TDRD3: variants seen among roughly 807,000 people sequenced by gnomAD.
The protein encoded by TDRD3 is tudor domain-containing protein 3.
Under a neutral mutation model 86.7 loss-of-function variants are expected in TDRD3, and 45 were observed. The observed-to-expected ratio is 0.52, with a 90% CI of 0.41 to 0.67. The LOEUF (loss-of-function observed/expected upper bound fraction) is 0.67. Among genes scored for constraint, TDRD3 ranks in the 30% least tolerant of loss-of-function variants. The pLI, the probability that TDRD3 is intolerant of heterozygous loss-of-function variation, is 0.00. For missense variants in TDRD3, 814 were observed against 889.0 expected (o/e 0.92, Z 1.07); for synonymous variants, 298 against 301.7 (o/e 0.99, Z 0.13).
intron 3 of TDRD3, among the ~76,000 whole-genome samples, chr13:60,446,754 T>TTTTGATG (rs1197744743): frequency 6.6e-6 from 1 of 152,130 alleles, no homozygotes; most frequent in African/African-American, 2.4e-5. Context: ...AGGAATATAT[T>TTTTGATG]TTTGATGTGA....
rs1956076048 is a variant in TDRD3 at position 60,471,526 on chromosome 13, A to G, written c.495+4147A>G. Among the ~76,000 whole-genome samples, 4 of 146,850 alleles carry G rather than the reference A, an allele frequency of 2.7e-5. No individual in the cohort carries two copies. The South Asian group carries it at 6.8e-4, about 25-fold the overall frequency. ...AGATTCCTTATGAATTATAGGATAG[A>G]TTTTTCTATTTCTGCAAAAAAAAAA... On this transcript the variant is annotated intron_variant, in intron 5 of 13. Transcript: ENST00000377881.
intron 8 of TDRD3, among the ~76,000 whole-genome samples, chr13:60,503,433 G>A (rs902986316): frequency 5.9e-5 from 9 of 152,160 alleles, no homozygotes; most frequent in Non-Finnish European, 1.3e-4. Context: ...CCTTAATTAT[G>A]ATTAATAGGA....
chr13:60,539,859 T>A (rs1957772831), intron 12 of TDRD3, among the ~76,000 whole-genome samples: 1 of 152,018 alleles, frequency 6.6e-6, no homozygotes, highest in African/African-American at 2.4e-5. Flanking sequence ...GAGTCCTAGA[T>A]AAAGGTCGTG....
intron 1 of TDRD3, among the ~76,000 whole-genome samples, chr13:60,430,249 A>T (rs1266174372): frequency 2.0e-5 from 3 of 152,180 alleles, no homozygotes; most frequent in Non-Finnish European, 4.4e-5. Context: ...TGGAAACTTA[A>T]CCAAGTATGT....
chr13:60,421,609 C>T (rs973363817), intron 1 of TDRD3, among the ~76,000 whole-genome samples: 1 of 152,136 alleles, frequency 6.6e-6, no homozygotes, highest in Non-Finnish European at 1.5e-5. Context: ...CAAAATCTTT[C>T]CCCCAAACTA....
chr13:60,554,886 G>A (rs183126098), intron 12 of TDRD3, among the ~76,000 whole-genome samples: 251 of 152,130 alleles, frequency 1.6e-3, no homozygotes, highest in Non-Finnish European at 2.3e-3. Context: ...TTCAGATGTG[G>A]AATTACAGGT....
At chr13:60,569,720 A>T (rs758777246) in intron 13 of TDRD3, among the ~76,000 whole-genome samples, 1 of 152,130 alleles carries the variant, frequency 6.6e-6, no homozygotes, top group African/African-American at 2.4e-5. Flanking sequence ...CTGACATAAA[A>T]ACAAACAGAC....
rs57374848 is a variant in TDRD3, at chr13:60,454,794, C to CT, written c.193-5574dup. On this transcript the variant is annotated intron_variant, in intron 3 of 13. Coordinates refer to ENST00000377881, the MANE Select transcript of TDRD3 (RefSeq NM_001146070.2). Reference sequence around the variant, plus strand: ...CTGAAATTTCTAACAATGTATATTTCTTTTTTTTTTTTATTTTTGTTTTCT... The same window carrying CT: ...CTGAAATTTCTAACAATGTATATTTCTTTTTTTTTTTTTATTTTTGTTTTCT... Among the ~76,000 whole-genome samples, 916 of 145,576 alleles carry CT rather than the reference C, an allele frequency of 6.3e-3. 2 individuals carry two copies. Among genetic ancestry groups the CT allele is most frequent in the Non-Finnish European group, 7.7e-3 (506 of 65,670 alleles).
chr13:60,527,601 A>G (rs997949285), intron 10 of TDRD3, among the ~76,000 whole-genome samples: 3 of 152,226 alleles, frequency 2.0e-5, no homozygotes, highest in Non-Finnish European at 4.4e-5. Flanking sequence ...AAATTGAAAC[A>G]GAATAAAAAT....
chr13:60,563,692 G>A (rs1307658829), intron 12 of TDRD3, among the ~76,000 whole-genome samples: 1 of 152,224 alleles, frequency 6.6e-6, no homozygotes, highest in Non-Finnish European at 1.5e-5. Flanking sequence ...GGACTGGTTT[G>A]TATGCTTAGC....
chr13:60,560,198 C>CA (rs1958300735), intron 12 of TDRD3, among the ~76,000 whole-genome samples: 1 of 152,086 alleles, frequency 6.6e-6, no homozygotes, highest in African/African-American at 2.4e-5. Context: ...GCCATTTACA[C>CA]AACTTTGAGC....
At chr13:60,533,735 T>C (rs1957635843) in intron 11 of TDRD3, among the ~76,000 whole-genome samples, 1 of 152,162 alleles carries the variant, frequency 6.6e-6, no homozygotes, top group South Asian at 2.1e-4. Context: ...GAGCAATTTG[T>C]TTTTTGTGTC....
intron 12 of TDRD3, among the ~76,000 whole-genome samples, chr13:60,549,847 A>AT (rs906214056): frequency 1.4e-4 from 21 of 151,932 alleles, no homozygotes; most frequent in African/African-American, 4.8e-4. Flanking sequence ...TGCTCATCGT[A>AT]TTTTTTTTCA....
At chr13:60,436,435 G>A (rs1955108503) in intron 1 of TDRD3, among the ~76,000 whole-genome samples, 1 of 152,050 alleles carries the variant, frequency 6.6e-6, no homozygotes, top group African/African-American at 2.4e-5. Context: ...GATCCATCTT[G>A]AGTCGATTTT....
chr13:60,422,767 G>T (rs1283509712), intron 1 of TDRD3, among the ~76,000 whole-genome samples: 1 of 152,020 alleles, frequency 6.6e-6, no homozygotes, highest in Non-Finnish European at 1.5e-5. Context: ...AGAAATGTCA[G>T]AGAGAAAGTA....
At chr13:60,415,282 C>G (rs1954475458) in intron 1 of TDRD3, among the ~76,000 whole-genome samples, 1 of 152,006 alleles carries the variant, frequency 6.6e-6, no homozygotes, top group Admixed American at 6.6e-5. Flanking sequence ...ATTACCAATT[C>G]CACTCTGTGG....
At chr13:60,568,069 G>A (rs1958506389) in intron 13 of TDRD3, among the ~76,000 whole-genome samples, 1 of 152,050 alleles carries the variant, frequency 6.6e-6, no homozygotes, top group Non-Finnish European at 1.5e-5. Flanking sequence ...AATTACATAT[G>A]TCTTGTGATA....
intron 12 of TDRD3, among the ~76,000 whole-genome samples, chr13:60,559,449 A>G (rs1958282662): frequency 6.6e-6 from 1 of 152,196 alleles, no homozygotes; most frequent in African/African-American, 2.4e-5. Context: ...TTTAATCTTT[A>G]GAAATGGGTT....
intron 12 of TDRD3, among the ~76,000 whole-genome samples, chr13:60,543,178 T>TG (rs1957855578): frequency 6.6e-6 from 1 of 152,228 alleles, no homozygotes; most frequent in African/African-American, 2.4e-5. Context: ...AAAACTCATA[T>TG]AGTTTAATAA....
Sources: allele counts gnomAD v4.1 joint callset (sites outside exome capture counted in the v4.1 genomes callset), GRCh38; gene constraint gnomAD v4.1.1; transcripts MANE v1.5; gene names NCBI Gene and HGNC (gene_info 2026-07-23, HGNC 2026-07-21).